The following KDM6A variants were observed in gnomAD, a reference collection of about 807,000 sequenced individuals.
The protein encoded by KDM6A is lysine-specific demethylase 6A.
Under a neutral mutation model 117.6 loss-of-function variants are expected in KDM6A, and 11 were observed. The ratio of observed to expected loss-of-function variants is 0.09; its 90% CI spans 0.06 to 0.15. The LOEUF (loss-of-function observed/expected upper bound fraction) is 0.15. KDM6A is among the 10% of genes least tolerant of loss of function. The pLI, the probability that KDM6A is intolerant of heterozygous loss-of-function variation, is 1.00. For missense variants in KDM6A, 799 were observed against 1,077.3 expected, an observed-to-expected ratio of 0.74 and a Z score of 3.62; for synonymous variants, 384 against 396.1, an observed-to-expected ratio of 0.97 and a Z score of 0.36.
intron 7 of KDM6A, among the ~76,000 whole-genome samples, chrX:45,035,510 A>G (rs1213841604): frequency 9.0e-6 from 1 of 111,034 alleles, no homozygotes; most frequent in Non-Finnish European, 1.9e-5. Flanking sequence ...TTTTTTCCAA[A>G]CAATTATTTT....
Position 45,078,797 on chromosome X carries a change from A to G in KDM6A, c.3094+292A>G, listed in dbSNP as rs780067465. Among the ~76,000 whole-genome samples, 3 of 110,978 alleles carry G rather than the reference A, an allele frequency of 2.7e-5. No homozygotes were observed. In the East Asian group the frequency reaches 8.4e-4, roughly 31 times the overall value. The stretch of plus-strand genomic sequence containing the variant: ...ACATAATTGTGATTTAGGTTAATAG[A>G]AAAAATTTGATTATAAAATGTAGGT... On this transcript the variant is annotated intron_variant, in intron 20 of 29. Transcript: ENST00000611820.
intron 2 of KDM6A, among the ~76,000 whole-genome samples, chrX:44,945,129 A>T (rs2037556703): frequency 9.0e-6 from 1 of 111,419 alleles, no homozygotes; most frequent in South Asian, 3.7e-4. Context: ...GAAAGAAAAA[A>T]ATAGGACTGT....
chrX:45,093,593 AT>A (rs1271622224), intron 27 of KDM6A, among the ~76,000 whole-genome samples: 1 of 110,592 alleles, frequency 9.0e-6, no homozygotes, highest in East Asian at 2.8e-4. Flanking sequence ...TTGCTCATAG[AT>A]TAGGTGGTTG....
intron 27 of KDM6A, among the ~76,000 whole-genome samples, chrX:45,096,841 C>T (rs2046129598): frequency 9.0e-6 from 1 of 111,558 alleles, no homozygotes; most frequent in Non-Finnish European, 1.9e-5. Flanking sequence ...TACCATTCAA[C>T]TCAGCAATCC....
Position 44,973,807 on chromosome X carries a change from C to A in KDM6A, c.335-859C>A, listed in dbSNP as rs139998041. Among the ~76,000 whole-genome samples the A allele has an allele frequency of 1.4e-3, 154 of 110,233 alleles. 2 individuals are homozygous for A. The East Asian group carries it at 0.041, about 29-fold the overall frequency. On this transcript the variant is annotated intron_variant, in intron 3 of 29. Coordinates refer to ENST00000611820, the MANE Select transcript of KDM6A (RefSeq NM_001291415.2). ...AGATTTCTTCAAATTTAATTTTAAT[C>A]TTTTTATTGAATTATTTATTTCTGC...
chrX:45,074,322 A>G (rs922149718), intron 18 of KDM6A, among the ~76,000 whole-genome samples: 4 of 111,864 alleles, frequency 3.6e-5, no homozygotes, highest in African/African-American at 1.3e-4. Flanking sequence ...TTTTTATATG[A>G]AAGTTTTATT....
chrX:44,884,570 G>C (rs1312211993), intron 2 of KDM6A, among the ~76,000 whole-genome samples: 1 of 111,845 alleles, frequency 8.9e-6, no homozygotes, highest in Non-Finnish European at 1.9e-5. Context: ...AAAATGTAAA[G>C]TGTGTGGCAT....
chrX:44,941,937 T>TA (rs1343956343), intron 2 of KDM6A, among the ~76,000 whole-genome samples: 1 of 111,318 alleles, frequency 9.0e-6, no homozygotes, highest in Non-Finnish European at 1.9e-5. Flanking sequence ...CTGAAAATAT[T>TA]ATTATCACAC....
At chrX:44,884,243 C>T (rs1169888272) in intron 2 of KDM6A, among the ~76,000 whole-genome samples, 1 of 110,452 alleles carries the variant, frequency 9.1e-6, no homozygotes, top group Non-Finnish European at 1.9e-5. Flanking sequence ...GTGAGAAGCC[C>T]CATCACTATA....
chrX:44,948,200 G>A (rs1422642462), intron 2 of KDM6A, among the ~76,000 whole-genome samples: 1 of 111,749 alleles, frequency 8.9e-6, no homozygotes, highest in Non-Finnish European at 1.9e-5. Context: ...TTTCTTGAGG[G>A]CTCTTAAGAT....
At chrX:44,937,370 C>T (rs1161967500) in intron 2 of KDM6A, among the ~76,000 whole-genome samples, 1 of 111,595 alleles carries the variant, frequency 9.0e-6, no homozygotes, top group African/African-American at 3.3e-5. Flanking sequence ...AGGTTTGTGG[C>T]AGTCCTGTGT....
Position 44,981,918 on chromosome X carries a change from C to T in KDM6A, c.384+7203C>T, listed in dbSNP as rs756444687. ...GGCCAACATGGTGAAACCTCATCTC[C>T]GCTAAAAATACAAAAATTAGCTGGG... On this transcript the variant is annotated intron_variant, in intron 4 of 29. Transcript: ENST00000611820. Among the ~76,000 whole-genome samples the T allele has an allele frequency of 3.6e-5, 4 of 111,474 alleles. No individual in the cohort carries two copies. The South Asian group carries it at 1.5e-3, about 42-fold the overall frequency.
In KDM6A at chrX:45,112,075, T is replaced by C. The variant is rs181128644; in HGVS notation, c.*664T>C. The C allele has an allele frequency of 6.1e-6, 1 of 165,201 alleles. No homozygotes were observed. The highest frequency in any genetic ancestry group is 3.0e-5 in the African/African-American group (1 of 33,425). 13.6% of individuals were successfully genotyped at this position (165,201 alleles called of 1,213,427 possible). On this transcript the variant is annotated 3_prime_UTR_variant, in exon 30 of 30. Transcript: ENST00000611820. The stretch of plus-strand genomic sequence containing the variant: ...AATTTACACTATTTATAAATACATA[T>C]TTATTGCTTGAAAATATTTGTGAAT...
At chrX:45,091,177 C>G (rs1242362200) in intron 27 of KDM6A, among the ~76,000 whole-genome samples, 1 of 111,316 alleles carries the variant, frequency 9.0e-6, no homozygotes, top group Non-Finnish European at 1.9e-5. Context: ...CCATTAATAA[C>G]TTGAGGGGAA....
rs188534543 is a variant in KDM6A at position 44,973,242 on chromosome X, G to A, written c.335-1424G>A. 7.2e-5 allele frequency among the ~76,000 whole-genome samples: 8 copies of A among 111,531 alleles called. No individual in the cohort carries two copies. The East Asian group carries it at 2.3e-3, about 32-fold the overall frequency. On this transcript the variant is annotated intron_variant, in intron 3 of 29. Coordinates refer to ENST00000611820, the MANE Select transcript of KDM6A (RefSeq NM_001291415.2). The stretch of plus-strand genomic sequence containing the variant: ...GTTACAAGAGCAGCAGAATTTTAAT[G>A]ATAAGCCTCAGTGACTTGGATCTGG...
chrX:45,026,249 C>T (rs1483022452), intron 6 of KDM6A, among the ~76,000 whole-genome samples: 1 of 111,886 alleles, frequency 8.9e-6, no homozygotes. Context: ...TTATTATACT[C>T]GACATGAAAC....
intron 21 of KDM6A, among the ~76,000 whole-genome samples, 174 bp downstream of exon 21, chrX:45,079,525 G>A (rs1265376090): frequency 9.0e-6 from 1 of 110,796 alleles, no homozygotes; most frequent in African/African-American, 3.3e-5. Flanking sequence ...ATGTATGTAT[G>A]TATGTATGTA....
chrX:44,948,569 T>G (rs2037801936), intron 2 of KDM6A, among the ~76,000 whole-genome samples: 1 of 111,970 alleles, frequency 8.9e-6, no homozygotes, highest in Non-Finnish European at 1.9e-5. Context: ...TTTCTAATTC[T>G]GAGCCGAACT....
chrX:44,936,936 C>T (rs1310012990), intron 2 of KDM6A, among the ~76,000 whole-genome samples: 3 of 111,158 alleles, frequency 2.7e-5, no homozygotes, highest in Admixed American at 1.9e-4. Context: ...CAACCTTTAT[C>T]AGGCTTTAGA....
Sources: gnomAD v4.1 joint callset for allele counts (sites outside exome capture counted in the v4.1 genomes callset) on GRCh38, gnomAD v4.1.1 for gene constraint, MANE v1.5 for transcripts, NCBI Gene and HGNC (gene_info 2026-07-23, HGNC 2026-07-21) for gene names.